Variants in FAM13A observed in about 807,000 individuals in gnomAD.
FAM13A encodes family with sequence similarity 13 member A.
A neutral mutation model predicts 129.6 loss-of-function variants in FAM13A; 76 were observed. That is an observed-to-expected ratio of 0.59 (90% CI 0.49 to 0.71). The LOEUF (loss-of-function observed/expected upper bound fraction) is 0.71. FAM13A is among the 30% of genes least tolerant of loss of function. The pLI is 0.00. For missense variants in FAM13A, 1,108 were observed against 1,249.3 expected, an observed-to-expected ratio of 0.89 and a Z score of 1.70; for synonymous variants, 443 against 449.9, an observed-to-expected ratio of 0.98 and a Z score of 0.20.
intron 6 of FAM13A, among the ~76,000 whole-genome samples, chr4:88,893,818 C>A (rs1745825509): frequency 1.7e-5 from 2 of 120,512 alleles, no homozygotes; most frequent in South Asian, 5.2e-4. Flanking sequence ...TGGAGCGAGA[C>A]TCCGTCTCAA....
intron 3 of FAM13A, among the ~76,000 whole-genome samples, chr4:88,996,608 G>C (rs1427812248): frequency 6.6e-6 from 1 of 152,196 alleles, no homozygotes; most frequent in Non-Finnish European, 1.5e-5. Context: ...CTACCATCTA[G>C]CAGGTGAGAC....
At chr4:89,000,844 C>T (rs1764161513) in intron 3 of FAM13A, among the ~76,000 whole-genome samples, 1 of 152,148 alleles carries the variant, frequency 6.6e-6, no homozygotes, top group African/African-American at 2.4e-5. Context: ...TCCTAATATC[C>T]CACTAAAATG....
At chr4:88,876,885 C>T (rs180712247) in intron 6 of FAM13A, among the ~76,000 whole-genome samples, 81 of 152,348 alleles carry the variant, frequency 5.3e-4, no homozygotes, top group Non-Finnish European at 1.0e-4. Context: ...GCCACCGCGC[C>T]CAGACCGCGT....
At chr4:88,871,374 T>C (rs1741358177) in intron 6 of FAM13A, among the ~76,000 whole-genome samples, 1 of 152,120 alleles carries the variant, frequency 6.6e-6, no homozygotes, top group Non-Finnish European at 1.5e-5. Context: ...TTTGAAGCCA[T>C]CGTAAGGAAG....
chr4:88,846,486 A>T (rs1259526490), intron 7 of FAM13A, among the ~76,000 whole-genome samples: 2 of 152,268 alleles, frequency 1.3e-5, no homozygotes, highest in Middle Eastern at 6.8e-3. Flanking sequence ...CCATGCTCTG[A>T]TGTAGTCAAA....
At chr4:88,963,608 C>A (rs1054439320) in intron 4 of FAM13A, among the ~76,000 whole-genome samples, 2 of 152,202 alleles carry the variant, frequency 1.3e-5, no homozygotes, top group Non-Finnish European at 1.5e-5. Flanking sequence ...CATTTGAAAT[C>A]TTTTTAGTAG....
At chr4:89,031,677 C>G (rs1205611077) in intron 1 of FAM13A, among the ~76,000 whole-genome samples, 1 of 152,180 alleles carries the variant, frequency 6.6e-6, no homozygotes, top group African/African-American at 2.4e-5. Flanking sequence ...GCTAATTAAT[C>G]ATTCCTGTGG....
At chr4:88,838,508 C>T (rs1321905530) in intron 7 of FAM13A, among the ~76,000 whole-genome samples, 1 of 151,972 alleles carries the variant, frequency 6.6e-6, no homozygotes, top group Non-Finnish European at 1.5e-5. Context: ...GATGCCGAGG[C>T]GGGCGGATCA....
chr4:88,743,321 C>T (rs986199581), intron 19 of FAM13A, among the ~76,000 whole-genome samples: 10 of 152,188 alleles, frequency 6.6e-5, no homozygotes, highest in Non-Finnish European at 1.3e-4. Context: ...TCTTTTGTGA[C>T]GGTTTTGGTC....
intron 4 of FAM13A, among the ~76,000 whole-genome samples, chr4:88,966,149 C>T (rs1011693278): frequency 3.9e-5 from 6 of 152,094 alleles, no homozygotes; most frequent in Admixed American, 2.0e-4. Context: ...TTTTTGACCA[C>T]TAATGTGATT....
At chr4:88,852,544 C>T (rs966608281) in intron 6 of FAM13A, among the ~76,000 whole-genome samples, 3 of 152,146 alleles carry the variant, frequency 2.0e-5, no homozygotes, top group Non-Finnish European at 4.4e-5. Context: ...TTACACATTG[C>T]CTGATACTTT....
At chr4:88,827,997 A>G (rs1261315490) in intron 7 of FAM13A, among the ~76,000 whole-genome samples, 1 of 152,066 alleles carries the variant, frequency 6.6e-6, no homozygotes, top group African/African-American at 2.4e-5. Context: ...CTGGGTCACT[A>G]TTTTCAAATC....
intron 13 of FAM13A, among the ~76,000 whole-genome samples, chr4:88,765,585 G>A (rs2149535450): frequency 6.6e-6 from 1 of 152,310 alleles, no homozygotes; most frequent in African/African-American, 2.4e-5. Context: ...ATAACTAACA[G>A]CACACTGAAA....
intron 6 of FAM13A, among the ~76,000 whole-genome samples, chr4:88,893,642 G>GAATGAATGAATA (rs1352073900): frequency 7.9e-6 from 1 of 126,188 alleles, no homozygotes; most frequent in African/African-American, 3.0e-5. Flanking sequence ...ATGAATGAAT[G>GAATGAATGAATA]AATAAATAAA....
chr4:88,881,244 A>T (rs1743512563), intron 6 of FAM13A, among the ~76,000 whole-genome samples: 1 of 152,152 alleles, frequency 6.6e-6, no homozygotes, highest in African/African-American at 2.4e-5. Flanking sequence ...TGCTACTTTC[A>T]CTTAAGTGGG....
intron 14 of FAM13A, among the ~76,000 whole-genome samples, chr4:88,754,952 A>G (rs1188840337): frequency 6.6e-6 from 1 of 152,162 alleles, no homozygotes; most frequent in Non-Finnish European, 1.5e-5. Context: ...ATTTATCTAC[A>G]CATTTAAGAA....
intron 1 of FAM13A, among the ~76,000 whole-genome samples, chr4:89,046,306 AAAGAG>A (rs1308065570): frequency 9.9e-5 from 15 of 152,220 alleles, no homozygotes; most frequent in African/African-American, 3.6e-4. Context: ...GTTATACTCA[AAAGAG>A]AAGATTTGAG....
At chr4:88,748,881 G>A (rs2149465991) in intron 17 of FAM13A, 71 bp downstream of exon 17, 1 of 1,062,170 alleles carries the variant, frequency 9.4e-7, no homozygotes, top group Non-Finnish European at 1.5e-6. Context: ...GTGGCACTCA[G>A]TGGGAGAGGA....
intron 1 of FAM13A, among the ~76,000 whole-genome samples, chr4:89,030,204 A>C (rs186203658): frequency 1.3e-4 from 20 of 152,260 alleles, no homozygotes; most frequent in Non-Finnish European, 4.4e-5. Context: ...GTTCTTACTG[A>C]GGTTCAAAAT....
Sources: allele counts gnomAD v4.1 joint callset (sites outside exome capture counted in the v4.1 genomes callset), GRCh38; gene constraint gnomAD v4.1.1; transcripts MANE v1.5; gene names NCBI Gene and HGNC (gene_info 2026-07-23, HGNC 2026-07-21).